Variants in SMURF2 observed in about 807,000 individuals in gnomAD.
SMURF2 encodes the protein SMAD specific E3 ubiquitin protein ligase 2.
SMURF2 carries 48 observed loss-of-function variants against 109.6 expected under a neutral mutation model. The observed-to-expected ratio is 0.44, with a 90% CI of 0.35 to 0.56. The LOEUF (loss-of-function observed/expected upper bound fraction) is 0.56. SMURF2 is among the 20% of genes least tolerant of loss of function. The pLI is 0.01. For missense variants in SMURF2, 575 were observed against 909.0 expected, an observed-to-expected ratio of 0.63 and a Z score of 4.72; for synonymous variants, 288 against 317.1, an observed-to-expected ratio of 0.91 and a Z score of 0.97.
intron 1 of SMURF2, among the ~76,000 whole-genome samples, chr17:64,648,435 TG>T (rs781873092): frequency 3.3e-5 from 5 of 152,228 alleles, no homozygotes; most frequent in Non-Finnish European, 7.3e-5. Context: ...AGATCTTATT[TG>T]TTTCAACTGA....
intron 3 of SMURF2, 124 bp from the exon 4 acceptor site, chr17:64,593,697 A>G (rs1969779779): frequency 1.4e-6 from 1 of 728,238 alleles, no homozygotes; most frequent in African/African-American, 1.8e-5. Flanking sequence ...AGATTATGCA[A>G]AATATGTCTT....
intron 17 of SMURF2, among the ~76,000 whole-genome samples, chr17:64,546,900 C>G (rs146677335): frequency 2.0e-5 from 3 of 152,218 alleles, no homozygotes; most frequent in Non-Finnish European, 2.9e-5. Flanking sequence ...GCTCTCCCCC[C>G]AGGGATTTCA....
At chr17:64,566,432 C>T (rs1225361437) in intron 10 of SMURF2, among the ~76,000 whole-genome samples, 1 of 151,218 alleles carries the variant, frequency 6.6e-6, no homozygotes, top group Middle Eastern at 3.2e-3. Context: ...GAATATAAAC[C>T]CCAGGGAGGA....
intron 1 of SMURF2, among the ~76,000 whole-genome samples, chr17:64,654,877 A>G (rs1269956610): frequency 2.0e-5 from 3 of 151,902 alleles, no homozygotes; most frequent in African/African-American, 7.3e-5. Flanking sequence ...AGGTCTCACT[A>G]TGTTGCCCAG....
chr17:64,659,845 A>G (rs1970751700), intron 1 of SMURF2, among the ~76,000 whole-genome samples: 1 of 152,212 alleles, frequency 6.6e-6, no homozygotes, highest in Non-Finnish European at 1.5e-5. Flanking sequence ...CTGTAACCAA[A>G]GAAGGAAGGA....
Position 64,662,274 on chromosome 17 carries a change from T to C in SMURF2, c.-394A>G, listed in dbSNP as rs1970795387. The C allele has an allele frequency of 1.0e-6, 1 of 982,380 alleles. No homozygotes were observed. Among genetic ancestry groups the C allele is most frequent in the Admixed American group, 6.2e-5 (1 of 16,070 alleles). The allele number at this position is 982,380 out of a possible 1,614,324, so 60.9% of individuals were successfully genotyped here. On this transcript the variant is annotated 5_prime_UTR_variant, in exon 1 of 19. Transcript: ENST00000262435. Reference sequence around the variant, plus strand: ...GGGGCGCCGGAGCAGAACTCTGGGCTCGGCCGCTTCCTCCTCCACCCGCCC... The same window carrying C: ...GGGGCGCCGGAGCAGAACTCTGGGCCCGGCCGCTTCCTCCTCCACCCGCCC...
intron 1 of SMURF2, among the ~76,000 whole-genome samples, chr17:64,660,094 A>T (rs375876057): frequency 6.6e-6 from 1 of 152,222 alleles, no homozygotes; most frequent in South Asian, 2.1e-4. Flanking sequence ...ATAATGTATC[A>T]TAGGCAGTAC....
At chr17:64,652,928 T>A (rs1258141864) in intron 1 of SMURF2, among the ~76,000 whole-genome samples, 2 of 151,794 alleles carry the variant, frequency 1.3e-5, no homozygotes, top group African/African-American at 4.8e-5. Context: ...AACTTGAAAA[T>A]AAGTTTAAAT....
At chr17:64,605,842 G>A (rs952777836) in intron 2 of SMURF2, among the ~76,000 whole-genome samples, 2 of 144,474 alleles carry the variant, frequency 1.4e-5, no homozygotes, top group East Asian at 2.0e-4. Context: ...AGCACACATA[G>A]CCCGTGACTT....
intron 8 of SMURF2, among the ~76,000 whole-genome samples, chr17:64,580,545 A>C (rs1271192967): frequency 1.3e-5 from 2 of 152,210 alleles, no homozygotes; most frequent in African/African-American, 2.4e-5. Context: ...GTTATAAACT[A>C]GTCATCTCAC....
At chr17:64,614,435 A>G (rs1970094151) in intron 1 of SMURF2, among the ~76,000 whole-genome samples, 1 of 152,170 alleles carries the variant, frequency 6.6e-6, no homozygotes, top group Admixed American at 6.5e-5. Context: ...CACCAGGGAC[A>G]ATGTCTCAAA....
chr17:64,636,615 A>T (rs1452279881), intron 1 of SMURF2, among the ~76,000 whole-genome samples: 4 of 149,176 alleles, frequency 2.7e-5, no homozygotes, highest in African/African-American at 7.4e-5. Context: ...AAAAAAAAAA[A>T]AAAAAAAAAA....
intron 1 of SMURF2, among the ~76,000 whole-genome samples, chr17:64,659,518 T>C (rs1970747298): frequency 3.4e-4 from 1 of 2,914 alleles, no homozygotes. Context: ...AGAATCAACT[T>C]TTTTTTTTTT....
chr17:64,630,913 C>G (rs1598304811), intron 1 of SMURF2, among the ~76,000 whole-genome samples: 1 of 152,140 alleles, frequency 6.6e-6, no homozygotes, highest in South Asian at 2.1e-4. Context: ...GTGGTAAGGT[C>G]AAGTCAGAAA....
chr17:64,573,829 T>C (rs1183553783), intron 9 of SMURF2, among the ~76,000 whole-genome samples: 1 of 152,002 alleles, frequency 6.6e-6, no homozygotes, highest in Non-Finnish European at 1.5e-5. Context: ...GGTTTAGAAA[T>C]GAAAAACAGG....
chr17:64,650,348 T>TTTTTTGG (rs199830081), intron 1 of SMURF2, among the ~76,000 whole-genome samples: 4 of 128,730 alleles, frequency 3.1e-5, no homozygotes, highest in African/African-American at 5.7e-5. Context: ...TTGTTTTTTG[T>TTTTTTGG]TTTTTTTTTT....
chr17:64,545,867 CAT>C lies in SMURF2; in HGVS notation c.2226_2227del (p.Cys743TrpfsTer21). 5.0e-6 allele frequency: 8 copies of C among 1,607,134 alleles called. No homozygotes were observed. Among genetic ancestry groups the C allele is most frequent in the Admixed American group, 1.7e-5 (1 of 59,978 alleles). ...AGCTTGTCATTCCACAGCAAATCCACATGTTTCTTCAATGGCTGTTAGCAGCT... is the reference window on the plus strand; with the variant it reads ...AGCTTGTCATTCCACAGCAAATCCACGTTTCTTCAATGGCTGTTAGCAGCT... On this transcript the variant is annotated frameshift_variant, in exon 19 of 19. Transcript: ENST00000262435. LOFTEE classifies it high-confidence loss of function.
intron 1 of SMURF2, among the ~76,000 whole-genome samples, chr17:64,647,507 G>T (rs1350110779): frequency 4.0e-5 from 6 of 151,852 alleles, no homozygotes; most frequent in African/African-American, 1.5e-4. Flanking sequence ...GTGAAACCCT[G>T]TCTCTACTAA....
At chr17:64,566,878 G>GTT (rs782484938) in intron 10 of SMURF2, among the ~76,000 whole-genome samples, 33 of 121,954 alleles carry the variant, frequency 2.7e-4, no homozygotes, top group African/African-American at 4.9e-4. Flanking sequence ...CTGACAGAGA[G>GTT]TTTTTTTTTT....
Sources: gnomAD v4.1 joint callset for allele counts (sites outside exome capture counted in the v4.1 genomes callset) on GRCh38, gnomAD v4.1.1 for gene constraint, MANE v1.5 for transcripts, NCBI Gene and HGNC (gene_info 2026-07-23, HGNC 2026-07-21) for gene names.